Variants in MTUS1 observed in about 807,000 individuals in gnomAD.
The protein encoded by MTUS1 is microtubule-associated tumor suppressor 1.
In MTUS1, 109 loss-of-function variants were observed where a neutral mutation model predicts 120.8. The ratio of observed to expected loss-of-function variants is 0.90; its 90% CI spans 0.77 to 1.06. The LOEUF (loss-of-function observed/expected upper bound fraction) is 1.06. Ranked by LOEUF, MTUS1 falls within the 50% of genes least tolerant of loss-of-function variation. The pLI is 0.00. For missense variants in MTUS1, 2,210 were observed against 1,486.3 expected, an observed-to-expected ratio of 1.49 and a Z score of -8.01; for synonymous variants, 737 against 550.5, an observed-to-expected ratio of 1.34 and a Z score of -4.74.
At chr8:17,658,841 C>T (rs573563668) in intron 8 of MTUS1, among the ~76,000 whole-genome samples, 2 of 152,184 alleles carry the variant, frequency 1.3e-5, no homozygotes, top group South Asian at 4.2e-4. Flanking sequence ...CACTTGCCCC[C>T]AGTCAGTATT....
chr8:17,721,239 G>A (rs1382906113), intron 4 of MTUS1, among the ~76,000 whole-genome samples: 2 of 152,132 alleles, frequency 1.3e-5, no homozygotes, highest in African/African-American at 2.4e-5. Context: ...TCAGAAACAG[G>A]AAATTTTCAG....
intron 1 of MTUS1, among the ~76,000 whole-genome samples, chr8:17,767,225 A>C (rs954095805): frequency 1.3e-5 from 2 of 151,020 alleles, no homozygotes; most frequent in Non-Finnish European, 2.9e-5. Flanking sequence ...CATTTATAAA[A>C]AACAGTTTCA....
rs209568 is a variant in MTUS1 at position 17,755,130 on chromosome 8, T to C, written c.678A>G (p.Glu226=). ...THARETTYDR[E]SFENPQVTPS... ...GTGTGACTTGAGGGTTTTCAAAGCT[T>C]TCTCTATCATAAGTAGTTTCTCTTG... Residue 226 remains glutamate, a synonymous_variant, in exon 2 of 15, where the codon GAA becomes GAG. Transcript: ENST00000693296. 380,942 of 1,613,804 alleles carry C rather than the reference T, an allele frequency of 0.24. 51,497 individuals are homozygous for C. The highest frequency in any genetic ancestry group is 0.51 in the South Asian group (46,862 of 91,076).
intron 3 of MTUS1, among the ~76,000 whole-genome samples, chr8:17,725,705 C>T (rs113847037): frequency 1.1e-4 from 16 of 152,282 alleles, no homozygotes; most frequent in African/African-American, 2.4e-4. Flanking sequence ...CTACAGCATG[C>T]GGCCCAGCAC....
chr8:17,775,796 G>A (rs1163377023), intron 1 of MTUS1, among the ~76,000 whole-genome samples: 1 of 152,224 alleles, frequency 6.6e-6, no homozygotes, highest in African/African-American at 2.4e-5. Context: ...TCCTGGTGAG[G>A]CAGCCTGGCC....
chr8:17,740,698 G>A (rs2047255356), intron 3 of MTUS1, among the ~76,000 whole-genome samples: 1 of 152,134 alleles, frequency 6.6e-6, no homozygotes, highest in South Asian at 2.1e-4. Context: ...AATAATACCA[G>A]ATGGGGTGGC....
intron 6 of MTUS1, among the ~76,000 whole-genome samples, chr8:17,710,773 G>C (rs992704526): frequency 3.9e-5 from 6 of 152,108 alleles, no homozygotes; most frequent in Admixed American, 2.0e-4. Flanking sequence ...CTTACACAAT[G>C]TACTTCTTAA....
intron 2 of MTUS1, among the ~76,000 whole-genome samples, chr8:17,746,361 G>C (rs1314914034): frequency 1.3e-5 from 2 of 152,058 alleles, no homozygotes; most frequent in African/African-American, 4.8e-5. Flanking sequence ...CTACGTATTA[G>C]TCCATTTTCA....
intron 13 of MTUS1, among the ~76,000 whole-genome samples, chr8:17,647,976 C>A (rs953195714): frequency 3.9e-5 from 6 of 152,310 alleles, no homozygotes; most frequent in South Asian, 4.1e-4. Flanking sequence ...CAGCTCAGGA[C>A]AACCTGTTCA....
At chr8:17,722,205 G>C (rs1236425229) in intron 4 of MTUS1, 1 of 1,027,174 alleles carries the variant, frequency 9.7e-7, no homozygotes, top group African/African-American at 1.7e-5. Context: ...CTCCTTAGGA[G>C]CATCAGACAC....
At position 17,660,514 on chromosome 8, in the gene MTUS1, C is replaced by T. The variant is rs116070459; in HGVS notation, c.2906-4449G>A. On this transcript the variant is annotated intron_variant, in intron 8 of 14. Transcript: ENST00000693296. Reference sequence around the variant, plus strand: ...GAACACCGGGGGACAAATACATGCCCGAGTCCCTGCTTTCAATTCTTTGGT... The same window carrying T: ...GAACACCGGGGGACAAATACATGCCTGAGTCCCTGCTTTCAATTCTTTGGT... 7.0e-3 allele frequency among the ~76,000 whole-genome samples: 1,059 copies of T among 152,230 alleles called. 12 individuals carry two copies. Among genetic ancestry groups the T allele is most frequent in the African/African-American group, 0.024 (990 of 41,536 alleles).
intron 1 of MTUS1, among the ~76,000 whole-genome samples, chr8:17,767,255 C>T (rs1475482129): frequency 7.4e-6 from 1 of 135,756 alleles, no homozygotes; most frequent in Non-Finnish European, 1.6e-5. Flanking sequence ...TAGTTATAAA[C>T]AGGAAAGTTT....
At chr8:17,648,747 C>G (rs530707538) in intron 13 of MTUS1, among the ~76,000 whole-genome samples, 1 of 152,228 alleles carries the variant, frequency 6.6e-6, no homozygotes, top group Non-Finnish European at 1.5e-5. Context: ...TCCCCCATGT[C>G]CCCTACTGTC....
intron 8 of MTUS1, among the ~76,000 whole-genome samples, chr8:17,657,793 C>G (rs1345664708): frequency 9.8e-6 from 1 of 101,950 alleles, no homozygotes; most frequent in Non-Finnish European, 1.9e-5. Context: ...GAGCAAGACC[C>G]TATCTCAAAA....
intron 1 of MTUS1, among the ~76,000 whole-genome samples, chr8:17,769,745 T>C (rs892267552): frequency 1.3e-5 from 2 of 152,086 alleles, no homozygotes; most frequent in Non-Finnish European, 2.9e-5. Flanking sequence ...AACAAAGTTG[T>C]GTTTCCCTCA....
chr8:17,738,853 C>T lies in MTUS1; in HGVS notation c.2287+4751G>A, dbSNP rs141346838. On this transcript the variant is annotated intron_variant, in intron 3 of 14. Transcript: ENST00000693296. ...AATTTTAATTTTTAAAAAAATTAAA[C>T]GTTAGCCTGGTGTGGTGGTTCATGC... Among the ~76,000 whole-genome samples the T allele has an allele frequency of 2.4e-3, 372 of 151,984 alleles. 5 individuals are homozygous for T. The highest frequency in any genetic ancestry group is 1.9e-3 in the South Asian group (9 of 4,794).
intron 7 of MTUS1, among the ~76,000 whole-genome samples, chr8:17,677,117 C>A (rs377100942): frequency 6.6e-5 from 10 of 152,130 alleles, no homozygotes; most frequent in African/African-American, 2.2e-4. Flanking sequence ...GTTCTGAAAT[C>A]ACCAGTGAGT....
intron 6 of MTUS1, among the ~76,000 whole-genome samples, chr8:17,690,628 C>T (rs1816760762): frequency 6.6e-6 from 1 of 152,008 alleles, no homozygotes; most frequent in Non-Finnish European, 1.5e-5. Context: ...GAAATATTTA[C>T]AATACAAACA....
chr8:17,709,239 G>C (rs1350040060), intron 6 of MTUS1, among the ~76,000 whole-genome samples: 4 of 151,894 alleles, frequency 2.6e-5, no homozygotes, highest in African/African-American at 9.7e-5. Context: ...AAGGATATTT[G>C]TTATTCATGT....
Sources: allele counts gnomAD v4.1 joint callset (sites outside exome capture counted in the v4.1 genomes callset), GRCh38; gene constraint gnomAD v4.1.1; transcripts MANE v1.5; gene names NCBI Gene and HGNC (gene_info 2026-07-23, HGNC 2026-07-21).